The following OR51B5 variants were observed in gnomAD, a reference collection of about 807,000 sequenced individuals.
OR51B5 encodes the protein olfactory receptor family 51 subfamily B member 5, also known as olfactory receptor 51B5.
For missense variants in OR51B5, 456 were observed against 374.6 expected, an observed-to-expected ratio of 1.22 and a Z score of -1.79; for synonymous variants, 186 against 144.8, an observed-to-expected ratio of 1.28 and a Z score of -2.04.
At chr11:5,475,858 A>C (rs1020244698) in intron 1 of OR51B5, among the ~76,000 whole-genome samples, 1 of 152,122 alleles carries the variant, frequency 6.6e-6, no homozygotes, top group Non-Finnish European at 1.5e-5. Context: ...GATGACACAC[A>C]TGGTAGGGTA....
At chr11:5,472,909 A>G (rs773304891) in intron 1 of OR51B5, among the ~76,000 whole-genome samples, 1 of 152,186 alleles carries the variant, frequency 6.6e-6, no homozygotes, top group Non-Finnish European at 1.5e-5. Flanking sequence ...AAATAAGGTG[A>G]CCATCCTTGT....
intron 1 of OR51B5, among the ~76,000 whole-genome samples, chr11:5,406,377 C>A (rs1182848828): frequency 1.3e-5 from 2 of 152,028 alleles, no homozygotes; most frequent in African/African-American, 4.8e-5. Flanking sequence ...GTCTCAGAGA[C>A]AACATCAGGT....
intron 1 of OR51B5, among the ~76,000 whole-genome samples, chr11:5,484,426 G>T (rs1229076180): frequency 6.6e-6 from 1 of 152,104 alleles, no homozygotes; most frequent in East Asian, 1.9e-4. Context: ...TTCTTAGAGG[G>T]CAAGAATAGG....
At chr11:5,427,253 A>T (rs1850465058) in intron 1 of OR51B5, among the ~76,000 whole-genome samples, 1 of 152,198 alleles carries the variant, frequency 6.6e-6, no homozygotes, top group African/African-American at 2.4e-5. Flanking sequence ...TATGCCTTTT[A>T]TCCTATTAAT....
chr11:5,368,259 G>C (rs969191812), intron 1 of OR51B5, among the ~76,000 whole-genome samples: 20 of 152,180 alleles, frequency 1.3e-4, no homozygotes, highest in African/African-American at 4.8e-4. Context: ...GAATTAAACA[G>C]TTTGGTTTAC....
intron 1 of OR51B5, among the ~76,000 whole-genome samples, chr11:5,357,517 A>T (rs1272930882): frequency 6.6e-6 from 1 of 152,170 alleles, no homozygotes; most frequent in Non-Finnish European, 1.5e-5. Flanking sequence ...ACTCTCACAC[A>T]ATAACAATGG....
intron 1 of OR51B5, among the ~76,000 whole-genome samples, chr11:5,385,693 T>TAA (rs1849678688): frequency 6.6e-6 from 1 of 150,910 alleles, no homozygotes; most frequent in African/African-American, 2.4e-5. Context: ...ACCTATAATA[T>TAA]ATATGTTGTA....
intron 1 of OR51B5, among the ~76,000 whole-genome samples, chr11:5,461,259 G>T (rs888368979): frequency 6.6e-6 from 1 of 152,188 alleles, no homozygotes; most frequent in East Asian, 1.9e-4. Context: ...TGCAGGCCAG[G>T]GGGTGGAGGC....
downstream of OR51B5, chr11:5,342,563 AGAGT>A: frequency 6.5e-7 from 1 of 1,548,478 alleles, no homozygotes; most frequent in Non-Finnish European, 8.7e-7. Flanking sequence ...ACATTCTGTG[AGAGT>A]GACTGTGATG....
At chr11:5,362,437 C>G (rs1278764797) in intron 1 of OR51B5, among the ~76,000 whole-genome samples, 1 of 152,056 alleles carries the variant, frequency 6.6e-6, no homozygotes, top group Non-Finnish European at 1.5e-5. Context: ...AGTTGTTGAG[C>G]CTTATAATGA....
chr11:5,371,852 T>C (rs1454084076), intron 1 of OR51B5, among the ~76,000 whole-genome samples: 4 of 152,164 alleles, frequency 2.6e-5, no homozygotes, highest in Non-Finnish European at 5.9e-5. Context: ...ATCTCTAAAC[T>C]TATTTATCCT....
chr11:5,439,705 C>T (rs1850646430), intron 1 of OR51B5, among the ~76,000 whole-genome samples: 1 of 152,164 alleles, frequency 6.6e-6, no homozygotes, highest in Non-Finnish European at 1.5e-5. Context: ...TCGAGAACCA[C>T]TTTTCCAAAC....
At chr11:5,499,843 T>C (rs925151994) in intron 1 of OR51B5, among the ~76,000 whole-genome samples, 2 of 152,204 alleles carry the variant, frequency 1.3e-5, no homozygotes, top group African/African-American at 4.8e-5. Context: ...CACTGCCAAC[T>C]TAACAGCCAA....
At chr11:5,455,735 G>C (rs1470838901) in intron 1 of OR51B5, 4 of 152,068 alleles carry the variant, frequency 2.6e-5, no homozygotes, top group Admixed American at 2.6e-4. Context: ...TCTTTGTATT[G>C]AGGAAATACC....
intron 1 of OR51B5, chr11:5,468,533 C>T (rs1402770874): frequency 2.6e-6 from 1 of 387,068 alleles, no homozygotes; most frequent in African/African-American, 2.1e-5. Flanking sequence ...CTGCGAATCT[C>T]CTTAGTCTTG....
intron 1 of OR51B5, among the ~76,000 whole-genome samples, chr11:5,460,086 G>C (rs768186778): frequency 2.5e-4 from 38 of 152,198 alleles, no homozygotes; most frequent in Non-Finnish European, 4.6e-4. Context: ...ATGAGATCAT[G>C]TCCTTTTCAG....
exon 1 of OR51B5, chr11:5,343,200 C>G (rs757765819): frequency 6.2e-7 from 1 of 1,613,670 alleles, no homozygotes. Context: ...ATGCCAGACT[C>G]GAGAAAGGAA....
At chr11:5,352,585 C>T (rs1849115802) in intron 1 of OR51B5, 1 of 615,640 alleles carries the variant, frequency 1.6e-6, no homozygotes, top group South Asian at 2.0e-5. Flanking sequence ...CAGTCAATCC[C>T]TCTGCTACTT....
At chr11:5,420,933 A>G (rs1391746811) in intron 1 of OR51B5, among the ~76,000 whole-genome samples, 1 of 152,180 alleles carries the variant, frequency 6.6e-6, no homozygotes, top group Non-Finnish European at 1.5e-5. Context: ...ATTGATGCAC[A>G]ATATTTCTTT....
Sources: allele counts gnomAD v4.1 joint callset (sites outside exome capture counted in the v4.1 genomes callset), GRCh38; gene constraint gnomAD v4.1.1; transcripts MANE v1.5; gene names NCBI Gene and HGNC (gene_info 2026-07-23, HGNC 2026-07-21).